TUT1: variants seen among roughly 807,000 people sequenced by gnomAD.
TUT1 encodes the protein speckle targeted PIP5K1A-regulated poly(A) polymerase.
In TUT1, 26 loss-of-function variants were observed where a neutral mutation model predicts 48.8. The ratio of observed to expected loss-of-function variants is 0.53; its 90% CI spans 0.39 to 0.74. The LOEUF (loss-of-function observed/expected upper bound fraction) is 0.74, where lower values mean the gene tolerates loss of function less well. Ranked by LOEUF, TUT1 falls within the 30% of genes least tolerant of loss-of-function variation. The pLI is 0.00. For synonymous variants in TUT1, 470 were observed against 460.8 expected (o/e 1.02, Z -0.26); for missense variants, 1,065 against 1,114.8 (o/e 0.96, Z 0.64).
chr11:62,585,621 C>T (rs1042570234), intron 2 of TUT1, among the ~76,000 whole-genome samples: 1 of 152,162 alleles, frequency 6.6e-6, no homozygotes. Context: ...CATGTGACGC[C>T]AGGAGTTCCA....
intron 2 of TUT1, among the ~76,000 whole-genome samples, chr11:62,586,576 C>T (rs1941918888): frequency 6.6e-6 from 1 of 152,080 alleles, no homozygotes; most frequent in Admixed American, 6.5e-5. Flanking sequence ...GCCAGGAGTT[C>T]AAGACCAGCA....
chr11:62,576,124 T>C lies in TUT1; in HGVS notation c.1595A>G (p.Glu532Gly). 1 of 1,613,902 alleles carries C rather than the reference T, an allele frequency of 6.2e-7. No individual in the cohort carries two copies. Among genetic ancestry groups the C allele is most frequent in the South Asian group, 1.1e-5 (1 of 91,076 alleles). ...ATTCAGGGGGCCAAGGCGCAGACCC[T>C]CCCAGAGATTAGAAGGCAGGCCCCC... ...VAGGLPSNLW[E>G]GLRLGPLNLQ... Residue 532 changes from glutamate to glycine, a missense_variant, in exon 9 of 9, where the codon GAG becomes GGG. Transcript: ENST00000476907.
chr11:62,578,078 A>G lies in TUT1; in HGVS notation c.1160+483T>C, dbSNP rs971969004. ...CTCCGTCTCACAAAAAAAAAAAAAA[A>G]AAAAAAAAAGTAGTATTCTAAGGAA... On this transcript the variant is annotated intron_variant, in intron 5 of 8. Transcript: ENST00000476907. 6.5e-4 allele frequency among the ~76,000 whole-genome samples: 99 copies of G among 151,832 alleles called. 1 individual carries two copies. Among genetic ancestry groups the G allele is most frequent in the African/African-American group, 2.2e-3 (93 of 41,400 alleles).
chr11:62,576,105 G>C lies in TUT1; in HGVS notation c.1614C>G (p.Pro538=), dbSNP rs752432964. The change falls in exon 9 of 9, where the codon CCC becomes CCG. Residue 538 remains proline, a synonymous_variant. Coordinates refer to ENST00000476907, the MANE Select transcript of TUT1 (RefSeq NM_022830.3). Reference sequence around the variant, plus strand: ...GGTCAAAAGGGTCCTGGAGATTCAGGGGGCCAAGGCGCAGACCCTCCCAGA... The same window carrying C: ...GGTCAAAAGGGTCCTGGAGATTCAGCGGGCCAAGGCGCAGACCCTCCCAGA... ...SNLWEGLRLG[P]LNLQDPFDLS... is the part of the protein sequence containing the mutation. The C allele has an allele frequency of 3.7e-6, 6 of 1,613,910 alleles. No homozygotes were observed. Among genetic ancestry groups the C allele is most frequent in the Non-Finnish European group, 5.1e-6 (6 of 1,180,044 alleles).
chr11:62,575,344 C>A lies in TUT1; in HGVS notation c.2375G>T (p.Gly792Val). 6.2e-7 allele frequency: 1 copy of A among 1,614,058 alleles called. No individual in the cohort carries two copies. Among genetic ancestry groups the A allele is most frequent in the Non-Finnish European group, 8.5e-7 (1 of 1,180,026 alleles). ...RRRLQQQTKE[G>V]AGGGAGTRAG... ...TCTTGTGCCAGCGCCACCTCCAGCTCCCTCCTTGGTTTGCTGCTGCAAGCG... is the reference window on the plus strand; with the variant it reads ...TCTTGTGCCAGCGCCACCTCCAGCTACCTCCTTGGTTTGCTGCTGCAAGCG... Residue 792 changes from glycine (G) to valine (V), a missense_variant, in exon 9 of 9, where the codon GGA becomes GTA. Gly to Val is a moderately radical substitution (Grantham distance 109). Transcript: ENST00000476907.
Position 62,576,747 on chromosome 11 carries a change from C to T in TUT1, c.1384G>A (p.Glu462Lys). 6.2e-7 allele frequency: 1 copy of T among 1,614,146 alleles called. No homozygotes were observed. Among genetic ancestry groups the T allele is most frequent in the Non-Finnish European group, 8.5e-7 (1 of 1,180,020 alleles). ...TVSQLTQKAGEGEQVEVDGWD... is the reference protein window; with the variant it reads ...TVSQLTQKAGKGEQVEVDGWD... ...CCATCGACTTCCACCTGTTCCCCCT[C>T]TCCTGTGAAAGTAAATAAGGTGAGA... The change falls in exon 8 of 9, where the codon GAG (glutamate) becomes AAG (lysine). Residue 462 changes from glutamate to lysine, a missense_variant and splice_region_variant. Physicochemically the swap from Glu to Lys is moderately conservative, Grantham distance 56. Transcript: ENST00000476907.
At chr11:62,588,989 C>T (rs780505858) in intron 2 of TUT1, 42 bp downstream of exon 2, 2 of 1,583,228 alleles carry the variant, frequency 1.3e-6, no homozygotes, top group South Asian at 2.2e-5. Context: ...CCATCGCGCC[C>T]AGCACTGATT....
At position 62,589,054 on chromosome 11, in the gene TUT1, T is replaced by G; in HGVS notation, c.250A>C (p.Ser84Arg). The change falls in exon 2 of 9, where the codon AGT becomes CGT. Residue 84 changes from serine to arginine, a missense_variant. Transcript: ENST00000476907. ...ACCTTGTCCTTGTCCATGACAACACTGGCCACAGGTCCAAATGCTAGGAAG... is the reference window on the plus strand; with the variant it reads ...ACCTTGTCCTTGTCCATGACAACACGGGCCACAGGTCCAAATGCTAGGAAG... The part of the protein sequence containing the change: ...EYFLAFGPVA[S>R]VVMDKDKGVF... The G allele has an allele frequency of 6.2e-7, 1 of 1,613,916 alleles. No homozygotes were observed. The highest frequency in any genetic ancestry group is 8.5e-7 in the Non-Finnish European group (1 of 1,179,876).
At position 62,578,564 on chromosome 11, in the gene TUT1, T is replaced by A; in HGVS notation, c.1157A>T (p.Asn386Ile). The change falls in exon 5 of 9, where the codon AAC (asparagine) becomes ATC (isoleucine). Residue 386 changes from asparagine (N) to isoleucine (I), a missense_variant. Physicochemically the swap from Asn to Ile is moderately radical, Grantham distance 149 (BLOSUM62 -3). Coordinates refer to ENST00000476907, the MANE Select transcript of TUT1 (RefSeq NM_022830.3). ...GTCTCAAAAAAAAGAAAGGTACCGG[T>A]TACTGAGGGAGACATCACCGTGGAG... is the stretch of plus-strand genomic sequence containing the variant. ...SGLHGDVSLS[N>I]RLALHNSRFL... 2 of 1,588,874 alleles carry A rather than the reference T, an allele frequency of 1.3e-6. No individual in the cohort carries two copies. Among genetic ancestry groups the A allele is most frequent in the Non-Finnish European group, 1.7e-6 (2 of 1,166,338 alleles).
chr11:62,588,079 A>G (rs1941948840), intron 2 of TUT1, among the ~76,000 whole-genome samples: 1 of 152,164 alleles, frequency 6.6e-6, no homozygotes. Flanking sequence ...TCTCCTCTAG[A>G]CTATAGGCTC....
In TUT1 at chr11:62,575,389, C is replaced by CCTTGCCACACT; in HGVS notation, c.2319_2329dup (p.Gly777GlufsTer42). On this transcript the variant is annotated frameshift_variant, in exon 9 of 9. Transcript: ENST00000476907. LOFTEE classifies it low-confidence loss of function (END_TRUNC). ...CAAGCGTCTACGGGCTCGCCGCCGC[C>CCTTGCCACACT]CTTGCCACACTCGGTGCCACAAGGC... 2 of 1,612,676 alleles carry CCTTGCCACACT rather than the reference C, an allele frequency of 1.2e-6. No individual in the cohort carries two copies. The highest frequency in any genetic ancestry group is 1.7e-6 in the Non-Finnish European group (2 of 1,180,030).
rs755141254 is a variant in TUT1 at position 62,579,017 on chromosome 11, G to C, written c.704C>G (p.Ala235Gly). The change falls in exon 5 of 9, where the codon GCT becomes GGT. Residue 235 changes from alanine (A) to glycine (G), a missense_variant. By Grantham distance (60) the Ala-to-Gly change is moderately conservative. Coordinates refer to ENST00000476907, the MANE Select transcript of TUT1 (RefSeq NM_022830.3). ...CGAGTCCAGCGATGGAGATTCTGGA[G>C]CCTTTGGGACTGGCTGTGGACAGAA... ...DLEEPQPVPKAPESPSLDSAL... is the reference protein window; with the variant it reads ...DLEEPQPVPKGPESPSLDSAL... The C allele has an allele frequency of 6.6e-7, 1 of 1,513,146 alleles. No individual in the cohort carries two copies. 93.7% of individuals were successfully genotyped at this position (1,513,146 alleles called of 1,614,324 possible). A position where few individuals can be genotyped will look rare whatever the true frequency, so the allele number is the denominator to read the frequency against.
intron 2 of TUT1, among the ~76,000 whole-genome samples, chr11:62,584,573 G>C (rs1387228768): frequency 6.7e-6 from 1 of 149,688 alleles, no homozygotes; most frequent in African/African-American, 2.5e-5. Context: ...CTCCCGAGTA[G>C]CTAGGATTAT....
At chr11:62,588,121 A>G (rs1027619049) in intron 2 of TUT1, among the ~76,000 whole-genome samples, 12 of 152,306 alleles carry the variant, frequency 7.9e-5, no homozygotes, top group African/African-American at 2.9e-4. Flanking sequence ...TACCCCATTC[A>G]CTACTCAGAA....
At chr11:62,576,856 GAAGA>G in intron 7 of TUT1, 47 bp downstream of exon 7, 1 of 1,598,710 alleles carries the variant, frequency 6.3e-7, no homozygotes, top group East Asian at 2.2e-5. Flanking sequence ...GTGTGATGAA[GAAGA>G]GAGAGGAAAC....
Position 62,575,979 on chromosome 11 carries a change from C to T in TUT1, c.1740G>A (p.Gln580=). 5 of 1,614,074 alleles carry T rather than the reference C, an allele frequency of 3.1e-6. No homozygotes were observed. Among genetic ancestry groups the T allele is most frequent in the Non-Finnish European group, 4.2e-6 (5 of 1,180,026 alleles). ...AGTCCCGACCCCGGGAGGAACGGCGCTGGTACTGGAGGCTTCGGCAGTAAT... is the reference window on the plus strand; with the variant it reads ...AGTCCCGACCCCGGGAGGAACGGCGTTGGTACTGGAGGCTTCGGCAGTAAT... ...AANYCRSLQY[Q]RRSSRGRDWG... Residue 580 remains glutamine (Q), a synonymous_variant, in exon 9 of 9, where the codon CAG becomes CAA. Coordinates refer to ENST00000476907, the MANE Select transcript of TUT1 (RefSeq NM_022830.3).
chr11:62,581,311 AG>A, intron 3 of TUT1, 74 bp downstream of exon 3: 2 of 1,560,526 alleles, frequency 1.3e-6, no homozygotes, highest in Middle Eastern at 1.7e-4. Context: ...CCTCTAGCGG[AG>A]GAAGGACTGG....
At chr11:62,588,985 C>A in intron 2 of TUT1, 46 bp downstream of exon 2, 1 of 1,561,238 alleles carries the variant, frequency 6.4e-7, no homozygotes, top group Non-Finnish European at 8.8e-7. Flanking sequence ...TGAGCCATCG[C>A]GCCCAGCACT....
In TUT1 at chr11:62,576,066, G is replaced by A. The variant is rs1291825992; in HGVS notation, c.1653C>T (p.Val551=). ...LQDPFDLSHN[V]AANVTSRVAG... ...CCACCCGGCTGGTCACATTGGCTGC[G>A]ACATTGTGACTCAGGTCAAAAGGGT... Residue 551 remains valine (V), a synonymous_variant, in exon 9 of 9, where the codon GTC becomes GTT. Coordinates refer to ENST00000476907, the MANE Select transcript of TUT1 (RefSeq NM_022830.3). 40 of 1,613,914 alleles carry A rather than the reference G, an allele frequency of 2.5e-5. No individual in the cohort carries two copies. Among genetic ancestry groups the A allele is most frequent in the Middle Eastern group, 1.6e-4 (1 of 6,062 alleles).
Sources: gnomAD v4.1 joint callset for allele counts (sites outside exome capture counted in the v4.1 genomes callset) on GRCh38, gnomAD v4.1.1 for gene constraint, MANE v1.5 for transcripts, NCBI Gene and HGNC (gene_info 2026-07-23, HGNC 2026-07-21) for gene names.